Variants in DNAH14 observed in about 807,000 individuals in gnomAD.
DNAH14 encodes dynein axonemal heavy chain 14, also known as axonemal beta dynein heavy chain 14.
A neutral mutation model predicts 520.9 loss-of-function variants in DNAH14; 478 were observed. That is an observed-to-expected ratio of 0.92 (90% CI 0.85 to 0.99). The LOEUF (loss-of-function observed/expected upper bound fraction) is 0.99. Among genes scored for constraint, DNAH14 ranks in the 50% least tolerant of loss-of-function variants. The pLI, the probability that DNAH14 is intolerant of heterozygous loss-of-function variation, is 0.00. For missense variants in DNAH14, 4,831 were observed against 5,234.5 expected, an observed-to-expected ratio of 0.92 and a Z score of 2.38; for synonymous variants, 1,581 against 1,757.2, an observed-to-expected ratio of 0.90 and a Z score of 2.51.
intron 41 of DNAH14, among the ~76,000 whole-genome samples, chr1:225,214,198 G>A (rs1358006806): frequency 2.0e-5 from 3 of 152,154 alleles, no homozygotes; most frequent in Non-Finnish European, 4.4e-5. Context: ...CTGTTTATAT[G>A]ATGGATTACG....
At chr1:224,994,833 T>C (rs574188989) in intron 8 of DNAH14, among the ~76,000 whole-genome samples, 10 of 152,216 alleles carry the variant, frequency 6.6e-5, no homozygotes, top group African/African-American at 2.4e-4. Flanking sequence ...GGGTCTAGTA[T>C]AGATTTTTGC....
At chr1:225,251,789 A>G (rs549606072) in intron 43 of DNAH14, among the ~76,000 whole-genome samples, 2 of 152,302 alleles carry the variant, frequency 1.3e-5, no homozygotes, top group Admixed American at 1.3e-4. Flanking sequence ...CCAAAGATTT[A>G]TTTACCATTC....
chr1:225,129,778 A>C (rs2078179054), intron 27 of DNAH14, among the ~76,000 whole-genome samples: 1 of 152,142 alleles, frequency 6.6e-6, no homozygotes, highest in Admixed American at 6.5e-5. Context: ...CATGTCTAAA[A>C]CACCAAAAGC....
At chr1:225,332,420 A>C (rs1185135129) in intron 65 of DNAH14, among the ~76,000 whole-genome samples, 1 of 152,056 alleles carries the variant, frequency 6.6e-6, no homozygotes, top group Non-Finnish European at 1.5e-5. Context: ...CTTGCTTAAC[A>C]TGCTTTATTT....
At chr1:224,976,379 A>G (rs2061842965) in intron 8 of DNAH14, among the ~76,000 whole-genome samples, 1 of 152,124 alleles carries the variant, frequency 6.6e-6, no homozygotes, top group Non-Finnish European at 1.5e-5. Flanking sequence ...ACAACCATAA[A>G]AACCCTAGAA....
chr1:225,389,116 G>A (rs1262162953), intron 82 of DNAH14, among the ~76,000 whole-genome samples: 1 of 152,202 alleles, frequency 6.6e-6, no homozygotes, highest in Non-Finnish European at 1.5e-5. Context: ...AAGCGTTAGA[G>A]TAGCAACATC....
Position 225,068,753 on chromosome 1 carries a change from G to T in DNAH14, c.2425-10454G>T, listed in dbSNP as rs532373861. 2.0e-5 allele frequency among the ~76,000 whole-genome samples: 3 copies of T among 152,248 alleles called. No homozygotes were observed. The South Asian group carries it at 6.2e-4, about 32-fold the overall frequency. On this transcript the variant is annotated intron_variant, in intron 17 of 85. Coordinates refer to ENST00000682510, the MANE Select transcript of DNAH14 (RefSeq NM_001367479.1). ...TTATGATTTGGCTATCAGCTTGATT[G>T]TTGTTGGTGTATAGGAATGCTAGTT...
intron 23 of DNAH14, among the ~76,000 whole-genome samples, chr1:225,103,548 T>C (rs1165304248): frequency 6.6e-6 from 1 of 152,156 alleles, no homozygotes; most frequent in East Asian, 1.9e-4. Context: ...CATTTGTTTG[T>C]ATCCTCTTTT....
At chr1:225,375,216 G>A (rs900764848) in intron 78 of DNAH14, among the ~76,000 whole-genome samples, 13 of 152,042 alleles carry the variant, frequency 8.6e-5, no homozygotes, top group Admixed American at 2.6e-4. Context: ...ATAACCATGG[G>A]GAATAGATGC....
At chr1:224,986,267 C>A (rs1339335801) in intron 8 of DNAH14, among the ~76,000 whole-genome samples, 1 of 145,244 alleles carries the variant, frequency 6.9e-6, no homozygotes, top group African/African-American at 2.5e-5. Context: ...TTTCCAGACT[C>A]ATTGTATGAG....
chr1:225,087,515 C>T (rs568612293), intron 21 of DNAH14, among the ~76,000 whole-genome samples: 5 of 152,246 alleles, frequency 3.3e-5, no homozygotes, highest in South Asian at 2.1e-4. Flanking sequence ...CAATGGTTTT[C>T]GGGACACTGG....
chr1:224,974,697 G>A (rs1005538238), intron 8 of DNAH14, among the ~76,000 whole-genome samples: 1 of 151,950 alleles, frequency 6.6e-6, no homozygotes, highest in Non-Finnish European at 1.5e-5. Flanking sequence ...CCCTTGTGTT[G>A]GCCTTTTATA....
chr1:225,386,245 A>C (rs2095840669), intron 81 of DNAH14, among the ~76,000 whole-genome samples: 1 of 152,232 alleles, frequency 6.6e-6, no homozygotes, highest in Non-Finnish European at 1.5e-5. Flanking sequence ...TGGATTAAAG[A>C]CTTAAATGTT....
At chr1:225,188,645 G>T (rs2085039710) in intron 37 of DNAH14, among the ~76,000 whole-genome samples, 1 of 151,748 alleles carries the variant, frequency 6.6e-6, no homozygotes. Flanking sequence ...TTTGTTTTTT[G>T]TTTTTTGGAC....
At chr1:224,939,441 T>C (rs2245100) in intron 1 of DNAH14, among the ~76,000 whole-genome samples, 22,912 of 151,898 alleles carry the variant, frequency 0.15, 3,187 homozygotes, top group African/African-American at 0.36. Flanking sequence ...GATGCCCAGG[T>C]GGGTGGATCA....
chr1:225,346,042 G>A lies in DNAH14; in HGVS notation c.10759G>A (p.Glu3587Lys), dbSNP rs1302299377. 49 of 1,551,400 alleles carry A rather than the reference G, an allele frequency of 3.2e-5. No individual in the cohort carries two copies. Among genetic ancestry groups the A allele is most frequent in the Admixed American group, 9.8e-5 (5 of 50,962 alleles). ...ATCAAACGAAATTTCAAAGCGCATCGAAGCAACAAAAAAAGCTGAAAGTGA... is the reference window on the plus strand; with the variant it reads ...ATCAAACGAAATTTCAAAGCGCATCAAAGCAACAAAAAAAGCTGAAAGTGA... The part of the protein sequence containing the change: ...MTSNEISKRI[E>K]ATKKAESEIQ... The change falls in exon 70 of 86, where the codon GAA becomes AAA. Residue 3587 changes from glutamate (E) to lysine (K), a missense_variant. By Grantham distance (56) the Glu-to-Lys change is moderately conservative. Coordinates refer to ENST00000682510, the MANE Select transcript of DNAH14 (RefSeq NM_001367479.1).
chr1:225,038,829 A>G lies in DNAH14; in HGVS notation c.1488+6A>G. ...CAGACACTGATATTAATGAGGTAAA[A>G]TGATCTTTGAAAAATATAAACATAG... On this transcript the variant is annotated splice_donor_region_variant and intron_variant, in intron 12 of 85. Coordinates refer to ENST00000682510, the MANE Select transcript of DNAH14 (RefSeq NM_001367479.1). The G allele has an allele frequency of 6.8e-7, 1 of 1,472,310 alleles. No individual in the cohort carries two copies. The highest frequency in any genetic ancestry group is 1.8e-4 in the Middle Eastern group (1 of 5,666). The allele number at this position is 1,472,310 out of a possible 1,614,324, so 91.2% of individuals were successfully genotyped here.
chr1:225,271,830 T>C lies in DNAH14; in HGVS notation c.7672-76T>C, dbSNP rs2093323142. 5.0e-6 allele frequency: 6 copies of C among 1,203,124 alleles called. No homozygotes were observed. In the Middle Eastern group the frequency reaches 1.3e-3, roughly 252 times the overall value. 74.5% of individuals were successfully genotyped at this position (1,203,124 alleles called of 1,614,324 possible). A position where few individuals can be genotyped will look rare whatever the true frequency, so the allele number is the denominator to read the frequency against. The stretch of plus-strand genomic sequence containing the variant: ...CTCCATTATAGTACACAAGTCCGCT[T>C]TTTAGTGGAAGGTAGCCAGAAGTAG... On this transcript the variant is annotated intron_variant, in intron 50 of 85. Coordinates refer to ENST00000682510, the MANE Select transcript of DNAH14 (RefSeq NM_001367479.1).
At chr1:225,337,193 T>G in intron 66 of DNAH14, 73 bp from the exon 67 acceptor site, 1 of 1,232,076 alleles carries the variant, frequency 8.1e-7, no homozygotes. Context: ...GTAGGATCTT[T>G]TAGTACCCTG....
Sources: allele counts gnomAD v4.1 joint callset (sites outside exome capture counted in the v4.1 genomes callset), GRCh38; gene constraint gnomAD v4.1.1; transcripts MANE v1.5; gene names NCBI Gene and HGNC (gene_info 2026-07-23, HGNC 2026-07-21).